Variants in RFX3 observed in about 807,000 individuals in gnomAD.
RFX3 encodes the protein regulatory factor X3, also known as transcription factor RFX3.
Under a neutral mutation model 98.6 loss-of-function variants are expected in RFX3, and 14 were observed. The observed-to-expected ratio is 0.14, with a 90% CI of 0.09 to 0.22. The LOEUF (loss-of-function observed/expected upper bound fraction) is 0.22. RFX3 is among the 10% of genes least tolerant of loss of function. The pLI is 1.00. For missense variants in RFX3, 639 were observed against 926.9 expected, an observed-to-expected ratio of 0.69 and a Z score of 4.03; for synonymous variants, 383 against 328.4, an observed-to-expected ratio of 1.17 and a Z score of -1.80.
chr9:3,224,673 T>C lies in RFX3; in HGVS notation c.*369A>G, dbSNP rs1419173723. ...TGATATTTCACAGAAGTGCATCTAA[T>C]TAAAAAACTTACACATGAAATCATA... is the stretch of plus-strand genomic sequence containing the variant. On this transcript the variant is annotated 3_prime_UTR_variant, in exon 17 of 17. Transcript: ENST00000617270. 5.8e-6 allele frequency: 1 copy of C among 172,044 alleles called. No individual in the cohort carries two copies. The highest frequency in any genetic ancestry group is 2.4e-5 in the African/African-American group (1 of 41,708). 10.7% of individuals were successfully genotyped at this position (172,044 alleles called of 1,614,324 possible).
intron 8 of RFX3, 89 bp downstream of exon 8, chr9:3,277,251 T>C (rs1489386838): frequency 2.2e-6 from 3 of 1,374,684 alleles, no homozygotes; most frequent in Non-Finnish European, 3.0e-6. Context: ...TTCTATGTCA[T>C]TGACATCTAT....
At chr9:3,426,421 A>ATGG (rs1392625667) in intron 1 of RFX3, among the ~76,000 whole-genome samples, 4 of 151,948 alleles carry the variant, frequency 2.6e-5, no homozygotes, top group African/African-American at 9.7e-5. Context: ...ACAGTGGTAT[A>ATGG]GAACAAGGGT....
In RFX3 at chr9:3,525,982, C is replaced by CGGGGAGGGGTG. The variant is rs1210799585; in HGVS notation, c.-255_-245dup. 2 of 19,886 alleles carry CGGGGAGGGGTG rather than the reference C, an allele frequency of 1.0e-4. No homozygotes were observed. The highest frequency in any genetic ancestry group is 4.0e-4 in the African/African-American group (2 of 4,976). The allele number at this position is 19,886 out of a possible 1,614,324, so 1.2% of individuals were successfully genotyped here. On this transcript the variant is annotated 5_prime_UTR_variant, in exon 1 of 17. Coordinates refer to ENST00000617270, the MANE Select transcript of RFX3 (RefSeq NM_001282116.2). The stretch of plus-strand genomic sequence containing the variant: ...CGAGAGGGAGAGGGAGACACTCGCA[C>CGGGGAGGGGTG]GGGGAGGGGTGGGGGAGGGAAGAGG...
chr9:3,359,082 G>C (rs1212201572), intron 2 of RFX3, among the ~76,000 whole-genome samples: 1 of 151,564 alleles, frequency 6.6e-6, no homozygotes, highest in Non-Finnish European at 1.5e-5. Context: ...CCTTTAATCT[G>C]GGCCTACGAG....
chr9:3,515,047 T>C (rs1818019959), intron 1 of RFX3, among the ~76,000 whole-genome samples: 1 of 152,218 alleles, frequency 6.6e-6, no homozygotes, highest in South Asian at 2.1e-4. Flanking sequence ...TACTCTTTGG[T>C]TATTTAAAAT....
At chr9:3,421,041 A>C in intron 1 of RFX3, 1 of 437,340 alleles carries the variant, frequency 2.3e-6, no homozygotes, top group Non-Finnish European at 3.0e-6. Context: ...AAAAAACAAG[A>C]AGGCAACAAA....
At chr9:3,282,604 G>A (rs900069972) in intron 7 of RFX3, among the ~76,000 whole-genome samples, 6 of 151,784 alleles carry the variant, frequency 4.0e-5, no homozygotes, top group African/African-American at 1.4e-4. Flanking sequence ...GAAAGAGGCA[G>A]ACATGATTCT....
chr9:3,322,003 G>C (rs1831379946), intron 4 of RFX3, among the ~76,000 whole-genome samples: 1 of 151,878 alleles, frequency 6.6e-6, no homozygotes. Flanking sequence ...CATGTGCTTA[G>C]ATAATTGTTT....
chr9:3,252,372 A>G (rs1255855306), intron 14 of RFX3, among the ~76,000 whole-genome samples: 1 of 152,160 alleles, frequency 6.6e-6, no homozygotes, highest in Non-Finnish European at 1.5e-5. Flanking sequence ...AAAGTTAGGG[A>G]GTAAGAGATC....
intron 1 of RFX3, among the ~76,000 whole-genome samples, chr9:3,504,432 T>C (rs1816499163): frequency 7.7e-6 from 1 of 129,906 alleles, no homozygotes; most frequent in South Asian, 2.3e-4. Context: ...ACATAGTATA[T>C]ATTGTATATA....
chr9:3,294,738 C>G (rs1293813777), intron 5 of RFX3, among the ~76,000 whole-genome samples: 2 of 151,960 alleles, frequency 1.3e-5, no homozygotes, highest in Non-Finnish European at 2.9e-5. Context: ...GTCATTAAAC[C>G]CATATTGATA....
intron 1 of RFX3, among the ~76,000 whole-genome samples, chr9:3,490,553 T>C (rs531826837): frequency 6.6e-6 from 1 of 152,252 alleles, no homozygotes; most frequent in South Asian, 2.1e-4. Flanking sequence ...GATACTGTTT[T>C]TGATTTTACA....
chr9:3,410,670 G>A (rs564780033), intron 1 of RFX3, among the ~76,000 whole-genome samples: 31 of 152,276 alleles, frequency 2.0e-4, no homozygotes, highest in African/African-American at 6.3e-4. Context: ...TGAAATGCTC[G>A]TAAGGGTAAT....
At chr9:3,311,514 T>C (rs552523069) in intron 4 of RFX3, among the ~76,000 whole-genome samples, 1 of 152,214 alleles carries the variant, frequency 6.6e-6, no homozygotes, top group Non-Finnish European at 1.5e-5. Flanking sequence ...ATTTAGTCTC[T>C]ATAATCACTA....
At chr9:3,252,322 G>A (rs1398469535) in intron 14 of RFX3, among the ~76,000 whole-genome samples, 1 of 152,142 alleles carries the variant, frequency 6.6e-6, no homozygotes, top group East Asian at 1.9e-4. Context: ...GTTCTGTTAG[G>A]TGAGACAGTT....
intron 3 of RFX3, among the ~76,000 whole-genome samples, chr9:3,341,652 G>A (rs939014953): frequency 1.4e-4 from 22 of 152,156 alleles, no homozygotes; most frequent in Non-Finnish European, 1.2e-4. Context: ...TATAGATTGA[G>A]CACCGATCAT....
At chr9:3,483,374 A>C (rs1849973900) in intron 1 of RFX3, among the ~76,000 whole-genome samples, 1 of 152,184 alleles carries the variant, frequency 6.6e-6, no homozygotes, top group Admixed American at 6.6e-5. Context: ...GACAGGTACC[A>C]TTTTCTTGCT....
chr9:3,392,696 G>T (rs1840438617), intron 2 of RFX3, among the ~76,000 whole-genome samples: 1 of 151,748 alleles, frequency 6.6e-6, no homozygotes, highest in Admixed American at 6.6e-5. Context: ...TCATAAAACT[G>T]GAATTTCAAA....
chr9:3,266,065 C>A, intron 12 of RFX3, 143 bp downstream of exon 12: 1 of 485,480 alleles, frequency 2.1e-6, no homozygotes, highest in Non-Finnish European at 3.6e-6. Context: ...TTATAAAATA[C>A]AAATATAAAA....
Sources: gnomAD v4.1 joint callset for allele counts (sites outside exome capture counted in the v4.1 genomes callset) on GRCh38, gnomAD v4.1.1 for gene constraint, MANE v1.5 for transcripts, NCBI Gene and HGNC (gene_info 2026-07-23, HGNC 2026-07-21) for gene names.